Variants in LYPLAL1 observed in about 807,000 individuals in gnomAD.
The protein encoded by LYPLAL1 is lysophospholipase-like protein 1.
A neutral mutation model predicts 19.7 loss-of-function variants in LYPLAL1; 23 were observed. That is an observed-to-expected ratio of 1.17 (90% CI 0.84 to 1.65). The LOEUF is 1.65. Among genes scored for constraint, LYPLAL1 ranks in the 40% most tolerant of loss-of-function variants. The probability of loss-of-function intolerance (pLI) is 0.00; values close to 1 mark genes in which losing one functional copy is unlikely to be tolerated. For missense variants in LYPLAL1, 355 were observed against 279.4 expected (o/e 1.27, Z -1.93); for synonymous variants, 119 against 96.3 (o/e 1.24, Z -1.38).
At chr1:219,198,312 T>A (rs1657780483) in intron 3 of LYPLAL1, among the ~76,000 whole-genome samples, 1 of 152,056 alleles carries the variant, frequency 6.6e-6, no homozygotes, top group Non-Finnish European at 1.5e-5. Context: ...TTAAACATTT[T>A]AAGTAGAATA....
chr1:219,367,057 T>G, the LYPLAL1 span, among the ~76,000 whole-genome samples: 1 of 152,114 alleles, frequency 6.6e-6, no homozygotes, highest in Non-Finnish European at 1.5e-5. Flanking sequence ...CAGGACTACT[T>G]GCCTGCGGTG....
chr1:219,386,732 C>T, the LYPLAL1 span, among the ~76,000 whole-genome samples: 1 of 152,186 alleles, frequency 6.6e-6, no homozygotes, highest in African/African-American at 2.4e-5. Context: ...GTGAACTTAA[C>T]CCAAATCTGC....
the LYPLAL1 span, among the ~76,000 whole-genome samples, chr1:219,305,889 T>C: frequency 6.6e-6 from 1 of 152,210 alleles, no homozygotes; most frequent in Non-Finnish European, 1.5e-5. Flanking sequence ...ACTACAATAC[T>C]TCCATTTTGT....
chr1:219,409,599 C>T, the LYPLAL1 span: 2 of 152,218 alleles, frequency 1.3e-5, no homozygotes, highest in Non-Finnish European at 2.9e-5. Flanking sequence ...CAATTAAATA[C>T]ATAGATACAA....
At chr1:219,373,564 C>G in the LYPLAL1 span, among the ~76,000 whole-genome samples, 2 of 152,244 alleles carry the variant, frequency 1.3e-5, no homozygotes, top group South Asian at 4.1e-4. Flanking sequence ...TTTTAGTTCT[C>G]TTTTTCCTAG....
At chr1:219,275,901 C>A in the LYPLAL1 span, among the ~76,000 whole-genome samples, 3 of 152,274 alleles carry the variant, frequency 2.0e-5, no homozygotes, top group African/African-American at 7.2e-5. Flanking sequence ...GCTTTATATG[C>A]TGCTACTTTT....
At chr1:219,228,475 A>G in the LYPLAL1 span, among the ~76,000 whole-genome samples, 1 of 151,958 alleles carries the variant, frequency 6.6e-6, no homozygotes, top group Non-Finnish European at 1.5e-5. Flanking sequence ...TTCCCCTTAA[A>G]TGTTGCTATG....
the LYPLAL1 span, among the ~76,000 whole-genome samples, chr1:219,331,832 A>G: frequency 6.6e-6 from 1 of 152,274 alleles, no homozygotes; most frequent in South Asian, 2.1e-4. Context: ...TGGGTAATGA[A>G]GAAGGCCACA....
the LYPLAL1 span, among the ~76,000 whole-genome samples, chr1:219,444,287 A>G: frequency 6.6e-6 from 1 of 152,300 alleles, no homozygotes; most frequent in African/African-American, 2.4e-5. Context: ...GGATTTCATA[A>G]CTTTTCCAAA....
chr1:219,205,363 C>CAAAAAAAAAA (rs66877413), intron 3 of LYPLAL1, among the ~76,000 whole-genome samples: 1 of 128,444 alleles, frequency 7.8e-6, no homozygotes, highest in Non-Finnish European at 1.6e-5. Context: ...GACTCCGTCT[C>CAAAAAAAAAA]AAAAAAAAAA....
At chr1:219,174,288 C>T (rs1655623801) in intron 1 of LYPLAL1, 15 of 1,278,738 alleles carry the variant, frequency 1.2e-5, no homozygotes, top group Non-Finnish European at 1.5e-5. Flanking sequence ...CAAGTTTAAA[C>T]AGAGCAAGTT....
At chr1:219,412,778 C>G in the LYPLAL1 span, among the ~76,000 whole-genome samples, 833 of 152,194 alleles carry the variant, frequency 5.5e-3, 10 homozygotes, top group African/African-American at 0.019. Flanking sequence ...CCAATGTTAC[C>G]GACACAGGCA....
the LYPLAL1 span, among the ~76,000 whole-genome samples, chr1:219,293,532 T>C: frequency 3.3e-5 from 5 of 152,186 alleles, no homozygotes; most frequent in African/African-American, 4.8e-5. Context: ...TGTCACAATT[T>C]GTTGTTTATT....
At chr1:219,400,658 C>A in the LYPLAL1 span, among the ~76,000 whole-genome samples, 1 of 152,134 alleles carries the variant, frequency 6.6e-6, no homozygotes, top group Non-Finnish European at 1.5e-5. Context: ...CCACACCCAG[C>A]TAATTTTTGT....
chr1:219,239,109 G>A, the LYPLAL1 span, among the ~76,000 whole-genome samples: 862 of 152,182 alleles, frequency 5.7e-3, 6 homozygotes, highest in Middle Eastern at 0.01. Context: ...CTTTCTGATA[G>A]CCAGGGAGAC....
At chr1:219,373,550 A>G in the LYPLAL1 span, among the ~76,000 whole-genome samples, 1 of 152,052 alleles carries the variant, frequency 6.6e-6, no homozygotes, top group Non-Finnish European at 1.5e-5. Flanking sequence ...TCCCAGGCCC[A>G]TTTTTTTAGT....
the LYPLAL1 span, among the ~76,000 whole-genome samples, chr1:219,422,947 A>C: frequency 6.6e-6 from 1 of 152,196 alleles, no homozygotes; most frequent in Non-Finnish European, 1.5e-5. Flanking sequence ...TATAAAAATG[A>C]AAATCCATGA....
At chr1:219,361,245 T>G in the LYPLAL1 span, among the ~76,000 whole-genome samples, 13 of 152,184 alleles carry the variant, frequency 8.5e-5, no homozygotes, top group Non-Finnish European at 1.8e-4. Flanking sequence ...ATGCCCTATG[T>G]TCTTTTACCG....
chr1:219,307,023 C>CATATATAT, the LYPLAL1 span, among the ~76,000 whole-genome samples: 10 of 119,462 alleles, frequency 8.4e-5, no homozygotes, highest in African/African-American at 2.9e-4. Flanking sequence ...TATACACATA[C>CATATATAT]ATATATATAT....
Sources: allele counts gnomAD v4.1 joint callset (sites outside exome capture counted in the v4.1 genomes callset), GRCh38; gene constraint gnomAD v4.1.1; transcripts MANE v1.5; gene names NCBI Gene and HGNC (gene_info 2026-07-23, HGNC 2026-07-21).